The following CCDC60 variants were observed in gnomAD, a reference collection of about 807,000 sequenced individuals.
CCDC60 encodes coiled-coil domain containing 60, also known as coiled-coil domain-containing protein 60.
CCDC60 carries 54 observed loss-of-function variants against 63.5 expected under a neutral mutation model. The ratio of observed to expected loss-of-function variants is 0.85; its 90% confidence interval spans 0.68 to 1.07. CCDC60 has a LOEUF of 1.07. CCDC60 is among the 50% of genes least tolerant of loss of function. The pLI is 0.00. For missense variants in CCDC60, 651 were observed against 684.3 expected, an observed-to-expected ratio of 0.95 and a Z score of 0.54; for synonymous variants, 206 against 238.8, an observed-to-expected ratio of 0.86 and a Z score of 1.27.
At chr12:119,388,885 AAC>A (rs10603691) in intron 1 of CCDC60, among the ~76,000 whole-genome samples, 31,548 of 152,126 alleles carry the variant, frequency 0.21, 3,512 homozygotes, top group South Asian at 0.45. Flanking sequence ...GCAACTGGAA[AAC>A]ACTGCACAAA....
chr12:119,397,255 T>C (rs573182667), intron 1 of CCDC60, among the ~76,000 whole-genome samples: 98 of 152,278 alleles, frequency 6.4e-4, no homozygotes, highest in African/African-American at 2.2e-3. Flanking sequence ...ACTTCCATGA[T>C]CTGAAAAGGG....
rs1197881250 is a variant in CCDC60, at chr12:119,420,966, A to G, written c.91-7717A>G. On this transcript the variant is annotated intron_variant, in intron 1 of 13. Transcript: ENST00000327554. The surrounding 1 kb of genome is among the most constrained non-coding windows in gnomAD (Gnocchi z 4.1). ...CATGATCCCGCCTACTCTGTTCTTTACAGCTTCTCCATAATGAGTCTGAAA... is the reference window on the plus strand; with the variant it reads ...CATGATCCCGCCTACTCTGTTCTTTGCAGCTTCTCCATAATGAGTCTGAAA... Among the ~76,000 whole-genome samples, 1 of 152,202 alleles carries G rather than the reference A, an allele frequency of 6.6e-6. No homozygotes were observed. The highest frequency in any genetic ancestry group is 1.9e-4 in the East Asian group (1 of 5,194).
chr12:119,338,804 G>A (rs1213917057), intron 1 of CCDC60, among the ~76,000 whole-genome samples: 1 of 152,158 alleles, frequency 6.6e-6, no homozygotes, highest in Non-Finnish European at 1.5e-5. Context: ...CCCGGGGGAA[G>A]GTATAGCCAC....
At chr12:119,415,190 C>T (rs887345117) in intron 1 of CCDC60, among the ~76,000 whole-genome samples, 3 of 152,172 alleles carry the variant, frequency 2.0e-5, no homozygotes, top group African/African-American at 7.2e-5. Flanking sequence ...AGCGTCCAAC[C>T]TGTGCATCCT....
At position 119,409,795 on chromosome 12, in the gene CCDC60, C is replaced by G. The variant is rs73406219; in HGVS notation, c.91-18888C>G. ...CATAATCTTAGTATCCTCTTCTCCC[C>G]TCCTCCCTCCAAGGCCCCCCTCTCT... On this transcript the variant is annotated intron_variant, in intron 1 of 13. Coordinates refer to ENST00000327554, the MANE Select transcript of CCDC60 (RefSeq NM_178499.5). Among the ~76,000 whole-genome samples, 1,499 of 152,054 alleles carry G rather than the reference C, an allele frequency of 9.9e-3. 22 individuals are homozygous for G. The highest frequency in any genetic ancestry group is 0.034 in the African/African-American group (1,398 of 41,478).
At chr12:119,387,415 A>T (rs374016744) in intron 1 of CCDC60, among the ~76,000 whole-genome samples, 2 of 152,180 alleles carry the variant, frequency 1.3e-5, no homozygotes, top group Non-Finnish European at 2.9e-5. Flanking sequence ...TATTTTCCAA[A>T]CATTATCTTT....
At chr12:119,373,912 A>G (rs1955925273) in intron 1 of CCDC60, among the ~76,000 whole-genome samples, 1 of 152,186 alleles carries the variant, frequency 6.6e-6, no homozygotes, top group Admixed American at 6.5e-5. Context: ...TTTCAAATGA[A>G]CTTGAGCCAA....
chr12:119,434,786 TGA>T (rs1387362995), intron 2 of CCDC60, among the ~76,000 whole-genome samples: 1 of 151,234 alleles, frequency 6.6e-6, no homozygotes, highest in Non-Finnish European at 1.5e-5. Context: ...CAGAGCAGAG[TGA>T]GAGAGGATAA....
At chr12:119,468,299 A>T (rs529840680) in intron 2 of CCDC60, among the ~76,000 whole-genome samples, 2 of 152,198 alleles carry the variant, frequency 1.3e-5, no homozygotes, top group African/African-American at 4.8e-5. Context: ...CTTAAAAAAT[A>T]AAAATTTTTT....
intron 2 of CCDC60, among the ~76,000 whole-genome samples, chr12:119,439,128 G>A (rs1312719575): frequency 9.6e-6 from 1 of 104,168 alleles, no homozygotes; most frequent in East Asian, 3.2e-4. Flanking sequence ...AGTACAAACA[G>A]TATATACATC....
intron 1 of CCDC60, among the ~76,000 whole-genome samples, chr12:119,379,846 G>C (rs1283649350): frequency 1.3e-5 from 2 of 152,146 alleles, no homozygotes; most frequent in African/African-American, 2.4e-5. Flanking sequence ...CACCCTGCTT[G>C]GATATAAAGC....
rs937708539 is a variant in CCDC60 at position 119,463,092 on chromosome 12, G to C, written c.171-8902G>C. Among the ~76,000 whole-genome samples the C allele has an allele frequency of 4.6e-5, 7 of 152,146 alleles. No individual in the cohort carries two copies. In the East Asian group the frequency reaches 1.3e-3, roughly 29 times the overall value. On this transcript the variant is annotated intron_variant, in intron 2 of 13. Transcript: ENST00000327554. ...ACCCGCCTTGGCCTCCCAAAGTGCT[G>C]GGATTACAAGCATGAGCTGCCACGC...
At chr12:119,344,753 C>T (rs187485593) in intron 1 of CCDC60, among the ~76,000 whole-genome samples, 18 of 152,132 alleles carry the variant, frequency 1.2e-4, no homozygotes, top group African/African-American at 4.3e-4. Context: ...CACTTGGTCA[C>T]CACTAAGGAG....
At position 119,471,872 on chromosome 12, in the gene CCDC60, A is replaced by G; in HGVS notation, c.171-122A>G. The G allele has an allele frequency of 1.0e-5, 7 of 671,808 alleles. No homozygotes were observed. In the Middle Eastern group the frequency reaches 1.6e-3, roughly 151 times the overall value. The allele number at this position is 671,808 out of a possible 1,614,324, so 41.6% of individuals were successfully genotyped here. ...TATTTCTACCTGTTTCTTTCTCTCT[A>G]TCCCTCTTTATCTCTCTTTTCTCTT... On this transcript the variant is annotated intron_variant, in intron 2 of 13. Coordinates refer to ENST00000327554, the MANE Select transcript of CCDC60 (RefSeq NM_178499.5).
At chr12:119,438,356 C>T (rs1844124461) in intron 2 of CCDC60, among the ~76,000 whole-genome samples, 1 of 152,204 alleles carries the variant, frequency 6.6e-6, no homozygotes. Context: ...TTTTGTTACA[C>T]AGGGCTTTGC....
intron 13 of CCDC60, 88 bp downstream of exon 13, chr12:119,531,151 G>C (rs1045857822): frequency 8.5e-7 from 1 of 1,173,496 alleles, no homozygotes; most frequent in Non-Finnish European, 1.2e-6. Flanking sequence ...AAGTGCTGGG[G>C]ACACAAAGTC....
Position 119,345,503 on chromosome 12 carries a change from AAAAT to A in CCDC60, c.90+10260_90+10263del, listed in dbSNP as rs71072508. Among the ~76,000 whole-genome samples, 494 of 150,486 alleles carry A rather than the reference AAAAT, an allele frequency of 3.3e-3. 17 individuals carry two copies. The East Asian group carries it at 0.07, about 21-fold the overall frequency. On this transcript the variant is annotated intron_variant, in intron 1 of 13. Transcript: ENST00000327554. ...GGTGACAGAGTGAGACTCCATCTCAAAAATAAATAAATAAATAAATAAATAAGAG... is the reference window on the plus strand; with the variant it reads ...GGTGACAGAGTGAGACTCCATCTCAAAAATAAATAAATAAATAAATAAGAG...
intron 1 of CCDC60, among the ~76,000 whole-genome samples, chr12:119,359,617 G>A (rs937936739): frequency 1.3e-5 from 2 of 151,438 alleles, no homozygotes; most frequent in African/African-American, 4.9e-5. Context: ...AATAGTGGAG[G>A]GAAGGTCAGC....
At chr12:119,525,275 A>G (rs1275702455) in intron 11 of CCDC60, among the ~76,000 whole-genome samples, 1 of 152,226 alleles carries the variant, frequency 6.6e-6, no homozygotes, top group Non-Finnish European at 1.5e-5. Context: ...AGAGAAGCCA[A>G]TAGTCAAATT....
Sources: gnomAD v4.1 joint callset for allele counts (sites outside exome capture counted in the v4.1 genomes callset) on GRCh38, gnomAD v4.1.1 for gene constraint, Gnocchi (gnomAD v3.1) non-coding constraint, MANE v1.5 for transcripts, NCBI Gene and HGNC (gene_info 2026-07-23, HGNC 2026-07-21) for gene names.